Variants in CNTNAP2 observed in about 807,000 individuals in gnomAD.
The protein encoded by CNTNAP2 is contactin-associated protein-like 2.
CNTNAP2 carries 98 observed loss-of-function variants against 155.2 expected under a neutral mutation model. That is an observed-to-expected ratio of 0.63 (90% CI 0.54 to 0.75). The LOEUF is 0.75. CNTNAP2 is among the 30% of genes least tolerant of loss of function. The probability of loss-of-function intolerance (pLI) is 0.00; values close to 1 mark genes in which losing one functional copy is unlikely to be tolerated. For missense variants in CNTNAP2, 1,727 were observed against 1,688.1 expected, an observed-to-expected ratio of 1.02 and a Z score of -0.40; for synonymous variants, 651 against 631.2, an observed-to-expected ratio of 1.03 and a Z score of -0.47.
intron 9 of CNTNAP2, among the ~76,000 whole-genome samples, chr7:147,327,963 T>C (rs1795491426): frequency 6.6e-6 from 1 of 151,932 alleles, no homozygotes; most frequent in Non-Finnish European, 1.5e-5. Flanking sequence ...TAGAGAGAAT[T>C]AACTGTGTAA....
In CNTNAP2 at chr7:147,072,402, A is replaced by G. The variant is rs574272009; in HGVS notation, c.550+28348A>G. On this transcript the variant is annotated intron_variant, in intron 4 of 23. Transcript: ENST00000361727. ...CCAACAGTTTGTATGTGTTGGAGTG[A>G]TGGACATGGAGGAAGCATATCATGA... is the stretch of plus-strand genomic sequence containing the variant. Among the ~76,000 whole-genome samples the G allele has an allele frequency of 8.5e-5, 13 of 152,320 alleles. No homozygotes were observed. The South Asian group carries it at 2.5e-3, about 29-fold the overall frequency.
At chr7:146,843,293 T>C (rs190536015) in intron 3 of CNTNAP2, among the ~76,000 whole-genome samples, 2,303 of 138,908 alleles carry the variant, frequency 0.017, 70 homozygotes, top group African/African-American at 0.061. Flanking sequence ...ATTACAGGCG[T>C]GAGCCACCGC....
chr7:146,377,235 A>G (rs556062429), intron 1 of CNTNAP2, among the ~76,000 whole-genome samples: 4 of 152,106 alleles, frequency 2.6e-5, no homozygotes, highest in Non-Finnish European at 4.4e-5. Context: ...TCTCTTTTGT[A>G]CTTTGAATTA....
chr7:147,851,718 C>G (rs1798945028), intron 13 of CNTNAP2, among the ~76,000 whole-genome samples: 1 of 141,978 alleles, frequency 7.0e-6, no homozygotes, highest in East Asian at 2.1e-4. Flanking sequence ...AATGAGAACA[C>G]TTGGACACAG....
intron 3 of CNTNAP2, among the ~76,000 whole-genome samples, chr7:146,986,429 T>C (rs530005327): frequency 1.3e-4 from 20 of 152,218 alleles, no homozygotes; most frequent in Non-Finnish European, 2.5e-4. Context: ...GTTGGTTCCA[T>C]ATTTTTGCAA....
chr7:147,074,674 AT>A (rs1305383319), intron 4 of CNTNAP2, among the ~76,000 whole-genome samples: 2 of 152,198 alleles, frequency 1.3e-5, no homozygotes, highest in African/African-American at 4.8e-5. Context: ...ATAGGCCAAA[AT>A]ATACATCATA....
intron 13 of CNTNAP2, among the ~76,000 whole-genome samples, chr7:147,836,609 T>C (rs574940254): frequency 6.6e-6 from 1 of 152,282 alleles, no homozygotes; most frequent in Admixed American, 6.5e-5. Context: ...TCATGATCAT[T>C]GTTTGTAATT....
chr7:147,042,365 G>A (rs769351782), intron 3 of CNTNAP2, among the ~76,000 whole-genome samples: 10 of 152,094 alleles, frequency 6.6e-5, no homozygotes, highest in African/African-American at 1.7e-4. Flanking sequence ...GTTTCAATGC[G>A]GAGGAAATCT....
At chr7:146,365,980 G>A (rs1166806725) in intron 1 of CNTNAP2, among the ~76,000 whole-genome samples, 1 of 151,966 alleles carries the variant, frequency 6.6e-6, no homozygotes, top group Non-Finnish European at 1.5e-5. Flanking sequence ...AACGTGTATT[G>A]GCAATAATAG....
At chr7:146,892,896 C>G (rs576953827) in intron 3 of CNTNAP2, among the ~76,000 whole-genome samples, 3 of 152,106 alleles carry the variant, frequency 2.0e-5, no homozygotes, top group Non-Finnish European at 4.4e-5. Flanking sequence ...AACTTCTGAT[C>G]GTAATCTTCT....
At chr7:147,087,459 C>T (rs1319183411) in intron 4 of CNTNAP2, among the ~76,000 whole-genome samples, 1 of 152,124 alleles carries the variant, frequency 6.6e-6, no homozygotes, top group East Asian at 1.9e-4. Context: ...GTGAATTTCT[C>T]TATGCAACAT....
chr7:146,405,379 G>T (rs982733438), intron 1 of CNTNAP2, among the ~76,000 whole-genome samples: 1 of 152,174 alleles, frequency 6.6e-6, no homozygotes, highest in African/African-American at 2.4e-5. Context: ...GCTCAGCAAC[G>T]TTGATACCTA....
rs6958631 is a variant in CNTNAP2 at position 147,222,315 on chromosome 7, T to C, written c.1349-77826T>C. ...TGCTTTTCAATTTTGGAGGTTTCTA[T>C]TGAGATACCATCCAGCTCAGAGAAT... On this transcript the variant is annotated intron_variant, in intron 8 of 23. Coordinates refer to ENST00000361727, the MANE Select transcript of CNTNAP2 (RefSeq NM_014141.6). 7.9e-3 allele frequency among the ~76,000 whole-genome samples: 1,200 copies of C among 152,286 alleles called. 14 individuals are homozygous for C. The highest frequency in any genetic ancestry group is 0.027 in the African/African-American group (1,111 of 41,560).
chr7:146,506,287 C>G (rs1797383678), intron 1 of CNTNAP2, among the ~76,000 whole-genome samples: 1 of 152,196 alleles, frequency 6.6e-6, no homozygotes, highest in African/African-American at 2.4e-5. Flanking sequence ...GAGCATCCAC[C>G]CTACTGTCAC....
intron 21 of CNTNAP2, among the ~76,000 whole-genome samples, chr7:148,364,015 G>T (rs572786511): frequency 2.1e-4 from 32 of 152,338 alleles, no homozygotes; most frequent in Non-Finnish European, 4.4e-4. Flanking sequence ...CGCTGCGCTC[G>T]ATTTCTCGCC....
chr7:148,288,106 CTT>C (rs1277628866), intron 21 of CNTNAP2, among the ~76,000 whole-genome samples: 3 of 97,232 alleles, frequency 3.1e-5, no homozygotes, highest in African/African-American at 3.9e-5. Flanking sequence ...TTTTTCTTTT[CTT>C]TTTTTTTTTT....
chr7:146,832,772 T>G (rs978305762), intron 2 of CNTNAP2, among the ~76,000 whole-genome samples: 1 of 151,994 alleles, frequency 6.6e-6, no homozygotes, highest in Admixed American at 6.6e-5. Flanking sequence ...CTCAGCTCAC[T>G]GCAACCTCTG....
intron 3 of CNTNAP2, among the ~76,000 whole-genome samples, chr7:146,926,078 A>G (rs1268081330): frequency 6.6e-6 from 1 of 152,160 alleles, no homozygotes; most frequent in Non-Finnish European, 1.5e-5. Flanking sequence ...AGATAATAAT[A>G]CTCAAATGCT....
intron 21 of CNTNAP2, among the ~76,000 whole-genome samples, chr7:148,287,787 CTTTTTTTCTTT>C (rs1312331602): frequency 6.2e-5 from 4 of 64,906 alleles, no homozygotes; most frequent in Non-Finnish European, 1.1e-4. Flanking sequence ...TTCTTTCTTT[CTTTTTTTCTTT>C]TTTTTTTTTT....
Sources: gnomAD v4.1 joint callset for allele counts (sites outside exome capture counted in the v4.1 genomes callset) on GRCh38, gnomAD v4.1.1 for gene constraint, MANE v1.5 for transcripts, NCBI Gene and HGNC (gene_info 2026-07-23, HGNC 2026-07-21) for gene names.